RUNX1: variants seen among roughly 807,000 people sequenced by gnomAD.
RUNX1 encodes RUNX family transcription factor 1, also known as runt-related transcription factor 1.
RUNX1 carries 19 observed loss-of-function variants against 42.8 expected under a neutral mutation model. The ratio of observed to expected loss-of-function variants is 0.44; its 90% CI spans 0.31 to 0.65. RUNX1 has a LOEUF of 0.65. Ranked by LOEUF, RUNX1 falls within the 30% of genes least tolerant of loss-of-function variation. The pLI is 0.07. For synonymous variants in RUNX1, 271 were observed against 289.4 expected, an observed-to-expected ratio of 0.94 and a Z score of 0.64; for missense variants, 528 against 672.0, an observed-to-expected ratio of 0.79 and a Z score of 2.37.
chr21:34,966,616 C>T (rs1195588287), intron 2 of RUNX1, among the ~76,000 whole-genome samples: 2 of 152,166 alleles, frequency 1.3e-5, no homozygotes, highest in Non-Finnish European at 1.5e-5. Flanking sequence ...GAGAAGGCTT[C>T]ACCCCACCAA....
intron 2 of RUNX1, among the ~76,000 whole-genome samples, chr21:34,975,945 C>T (rs998570936): frequency 1.3e-5 from 2 of 151,932 alleles, no homozygotes; most frequent in African/African-American, 4.8e-5. Context: ...TATGGAAGGT[C>T]TTGGTTTCAC....
chr21:34,979,303 T>C (rs1458729077), intron 2 of RUNX1, among the ~76,000 whole-genome samples: 1 of 152,208 alleles, frequency 6.6e-6, no homozygotes, highest in Non-Finnish European at 1.5e-5. Context: ...AAGTCTTTCT[T>C]ATAAGTCATA....
intron 6 of RUNX1, among the ~76,000 whole-genome samples, chr21:34,858,256 T>G (rs777075455): frequency 1.3e-5 from 2 of 152,096 alleles, no homozygotes; most frequent in East Asian, 3.9e-4. Context: ...GATCACAGGA[T>G]AGCCTGCAGA....
chr21:34,836,784 C>T (rs1295839754), intron 6 of RUNX1, among the ~76,000 whole-genome samples: 1 of 152,144 alleles, frequency 6.6e-6, no homozygotes, highest in Non-Finnish European at 1.5e-5. Context: ...GTGGGTGACC[C>T]AGGAGAGTGA....
intron 2 of RUNX1, among the ~76,000 whole-genome samples, chr21:34,943,948 C>T (rs1193692034): frequency 1.3e-5 from 2 of 151,802 alleles, no homozygotes; most frequent in Non-Finnish European, 2.9e-5. Flanking sequence ...TTTTTAATAG[C>T]GTAGGAAGAA....
At chr21:34,997,847 T>C (rs2059008602) in intron 2 of RUNX1, among the ~76,000 whole-genome samples, 2 of 152,186 alleles carry the variant, frequency 1.3e-5, no homozygotes, top group African/African-American at 4.8e-5. Context: ...ATCATCCTTC[T>C]CTCCCCAACA....
At chr21:34,847,924 T>A (rs1434380310) in intron 6 of RUNX1, among the ~76,000 whole-genome samples, 1 of 152,150 alleles carries the variant, frequency 6.6e-6, no homozygotes, top group Admixed American at 6.5e-5. Flanking sequence ...AAGCTTTTTT[T>A]TTTCTTCTTT....
chr21:34,844,668 A>C (rs2057291238), intron 6 of RUNX1, among the ~76,000 whole-genome samples: 1 of 152,204 alleles, frequency 6.6e-6, no homozygotes, highest in African/African-American at 2.4e-5. Context: ...AGCAGTGTGG[A>C]GGATGATCTC....
intron 2 of RUNX1, among the ~76,000 whole-genome samples, chr21:34,908,760 C>T (rs1000079562): frequency 2.0e-5 from 3 of 152,176 alleles, no homozygotes; most frequent in Admixed American, 6.5e-5. Context: ...TTATCAGACA[C>T]ATTTTATCAT....
At chr21:35,013,795 C>T (rs1219407000) in intron 2 of RUNX1, among the ~76,000 whole-genome samples, 1 of 152,136 alleles carries the variant, frequency 6.6e-6, no homozygotes, top group Non-Finnish European at 1.5e-5. Context: ...TTCATTGCAA[C>T]ATTATTATAC....
At chr21:34,922,164 G>A (rs897502936) in intron 2 of RUNX1, among the ~76,000 whole-genome samples, 4 of 152,172 alleles carry the variant, frequency 2.6e-5, no homozygotes, top group Non-Finnish European at 4.4e-5. Flanking sequence ...AGACAGGACT[G>A]TAAGTGGGGG....
At chr21:34,795,620 C>T (rs747787411) in intron 8 of RUNX1, among the ~76,000 whole-genome samples, 1 of 152,134 alleles carries the variant, frequency 6.6e-6, no homozygotes, top group Non-Finnish European at 1.5e-5. Context: ...ACGTTGTAAA[C>T]GGACAGTGGT....
chr21:34,959,918 G>A (rs73900740), intron 2 of RUNX1, among the ~76,000 whole-genome samples: 5,673 of 152,212 alleles, frequency 0.037, 346 homozygotes, highest in African/African-American at 0.13. Context: ...CAGGGTCAAG[G>A]GGGCTACCTG....
intron 3 of RUNX1, 142 bp from the exon 4 acceptor site, chr21:34,887,238 G>T (rs13051111): frequency 3.6e-5 from 42 of 1,166,904 alleles, no homozygotes; most frequent in Non-Finnish European, 4.5e-5. Context: ...ATTACTGCGG[G>T]GGGTGGGGGG....
At chr21:34,999,487 A>G (rs945334256) in intron 2 of RUNX1, among the ~76,000 whole-genome samples, 1 of 152,204 alleles carries the variant, frequency 6.6e-6, no homozygotes, top group South Asian at 2.1e-4. Flanking sequence ...CTGTTGCTCA[A>G]CAGCTGACCC....
intron 2 of RUNX1, among the ~76,000 whole-genome samples, chr21:34,984,219 GA>G (rs1227517278): frequency 2.0e-5 from 3 of 152,044 alleles, no homozygotes; most frequent in Non-Finnish European, 2.9e-5. Flanking sequence ...AGTAGCTAGA[GA>G]AAAAAATGTG....
At chr21:35,040,232 G>C (rs1442403854) in intron 2 of RUNX1, among the ~76,000 whole-genome samples, 1 of 152,200 alleles carries the variant, frequency 6.6e-6, no homozygotes, top group Non-Finnish European at 1.5e-5. Flanking sequence ...AGAGTTCAAA[G>C]TGCAAACAGA....
At chr21:35,004,759 C>T (rs2059071544) in intron 2 of RUNX1, among the ~76,000 whole-genome samples, 1 of 152,168 alleles carries the variant, frequency 6.6e-6, no homozygotes, top group Non-Finnish European at 1.5e-5. Flanking sequence ...CTTTCGGGCT[C>T]ACAAGAGAGG....
Position 34,980,748 on chromosome 21 carries a change from C to T in RUNX1, c.58+68094G>A, listed in dbSNP as rs561274621. 1.2e-4 allele frequency among the ~76,000 whole-genome samples: 18 copies of T among 152,272 alleles called. No homozygotes were observed. The South Asian group carries it at 2.9e-3, about 25-fold the overall frequency. ...CTGTGATTGTGTGCCAGTGAACAGC[C>T]GTTTCCAAAGATTTGAATGGAATAA... is the stretch of plus-strand genomic sequence containing the variant. On this transcript the variant is annotated intron_variant, in intron 2 of 8. Coordinates refer to ENST00000675419, the MANE Select transcript of RUNX1 (RefSeq NM_001754.5).
Sources: gnomAD v4.1 joint callset for allele counts (sites outside exome capture counted in the v4.1 genomes callset) on GRCh38, gnomAD v4.1.1 for gene constraint, MANE v1.5 for transcripts, NCBI Gene and HGNC (gene_info 2026-07-23, HGNC 2026-07-21) for gene names.